Variants in DOT1L observed in about 807,000 individuals in gnomAD.
The protein encoded by DOT1L is histone-lysine N-methyltransferase, H3 lysine-79 specific.
DOT1L carries 33 observed loss-of-function variants against 153.3 expected under a neutral mutation model. The observed-to-expected ratio is 0.22, with a 90% confidence interval of 0.16 to 0.29. DOT1L has a LOEUF of 0.29. DOT1L is among the 10% of genes least tolerant of loss of function. DOT1L has a pLI of 1.00. For missense variants in DOT1L, 1,847 were observed against 2,119.9 expected (o/e 0.87, Z 2.53); for synonymous variants, 1,135 against 965.1 (o/e 1.18, Z -3.26).
At chr19:2,226,085 G>T (rs969766766) in intron 26 of DOT1L, 98 bp from the exon 27 acceptor site, 2 of 1,338,938 alleles carry the variant, frequency 1.5e-6, no homozygotes, top group African/African-American at 2.9e-5. Flanking sequence ...AGCCCTGCCT[G>T]CAGAGTTGCC....
intron 6 of DOT1L, among the ~76,000 whole-genome samples, chr19:2,194,002 G>C (rs116656742): frequency 0.023 from 3,525 of 152,252 alleles, 135 homozygotes; most frequent in African/African-American, 0.08. Flanking sequence ...CTGTCCAAGC[G>C]CTGCAGGGGT....
Position 2,190,872 on chromosome 19 carries a change from G to T in DOT1L, c.265-140G>T, listed in dbSNP as rs777928562. Reference sequence around the variant, plus strand: ...GGCTGGGTTGGAAACTGACCTGGGAGCCCGGCAGCCACCCTGCAGGGGGAC... The same window carrying T: ...GGCTGGGTTGGAAACTGACCTGGGATCCCGGCAGCCACCCTGCAGGGGGAC... On this transcript the variant is annotated intron_variant, in intron 4 of 27. Transcript: ENST00000398665. This position sits in a 1 kb window ranked among gnomAD's most constrained non-coding sequence, Gnocchi z 4.8. The T allele has an allele frequency of 2.6e-6, 2 of 755,360 alleles. No individual in the cohort carries two copies. The highest frequency in any genetic ancestry group is 4.3e-6 in the Non-Finnish European group (2 of 466,678). The allele number at this position is 755,360 out of a possible 1,614,324, so 46.8% of individuals were successfully genotyped here.
intron 7 of DOT1L, among the ~76,000 whole-genome samples, chr19:2,196,130 C>T (rs995704199): frequency 2.5e-4 from 38 of 152,374 alleles, no homozygotes; most frequent in Non-Finnish European, 5.0e-4. Flanking sequence ...GCCTAGCACG[C>T]GCCCCTGTCC....
intron 2 of DOT1L, among the ~76,000 whole-genome samples, chr19:2,182,420 G>C (rs920628175): frequency 6.6e-6 from 1 of 152,084 alleles, no homozygotes; most frequent in African/African-American, 2.4e-5. Flanking sequence ...GCACACCTGT[G>C]GTCCCAGCTA....
chr19:2,214,025 A>G (rs1293118038), intron 18 of DOT1L, 39 bp downstream of exon 18: 1 of 1,599,040 alleles, frequency 6.3e-7, no homozygotes, highest in African/African-American at 1.3e-5. Flanking sequence ...GTGGAACCAG[A>G]GGGGCCCTGC....
chr19:2,201,860 A>G (rs1174009462), intron 8 of DOT1L, among the ~76,000 whole-genome samples: 1 of 152,180 alleles, frequency 6.6e-6, no homozygotes, highest in Non-Finnish European at 1.5e-5. Context: ...GGCTCTGGGC[A>G]CAGCGTGCAG....
chr19:2,227,199 T>C (rs1204459590), intron 27 of DOT1L, 72 bp downstream of exon 27: 2 of 1,551,260 alleles, frequency 1.3e-6, no homozygotes, highest in African/African-American at 2.7e-5. Context: ...GCAGGTTCCC[T>C]TCCGCACTCT....
At chr19:2,228,331 G>T in intron 27 of DOT1L, 1 of 1,331,520 alleles carries the variant, frequency 7.5e-7, no homozygotes. Context: ...CACCTTTCGG[G>T]GGTTAAGCCG....
At chr19:2,209,293 CTT>C (rs986270074) in intron 12 of DOT1L, among the ~76,000 whole-genome samples, 16 of 152,174 alleles carry the variant, frequency 1.1e-4, no homozygotes, top group South Asian at 2.1e-4. Flanking sequence ...CTCTCTGTCT[CTT>C]TGCCTGTCTT....
At chr19:2,187,765 AC>A (rs1387389855) in intron 3 of DOT1L, among the ~76,000 whole-genome samples, 3 of 152,122 alleles carry the variant, frequency 2.0e-5, no homozygotes, top group Admixed American at 1.3e-4. Context: ...TACTAAAAAT[AC>A]AAAAAATTAG....
At chr19:2,228,611 T>C in intron 27 of DOT1L, 7 of 985,312 alleles carry the variant, frequency 7.1e-6, no homozygotes, top group Non-Finnish European at 8.4e-6. Flanking sequence ...GCTGGGTTCC[T>C]GCGGTGACGC....
chr19:2,216,277 G>A lies in DOT1L; in HGVS notation c.1924-4G>A, dbSNP rs761819063. The A allele has an allele frequency of 2.6e-6, 4 of 1,561,866 alleles. No homozygotes were observed. The highest frequency in any genetic ancestry group is 8.7e-7 in the Non-Finnish European group (1 of 1,148,464). ...CGGGCCTGACACCATCTCTCCTCCTGCAGATCAGCATTGTGGAGCTAGAGA... is the reference window on the plus strand; with the variant it reads ...CGGGCCTGACACCATCTCTCCTCCTACAGATCAGCATTGTGGAGCTAGAGA... On this transcript the variant is annotated splice_region_variant and splice_polypyrimidine_tract_variant and intron_variant, in intron 19 of 27. Transcript: ENST00000398665.
intron 19 of DOT1L, 188 bp from the exon 20 acceptor site, chr19:2,216,093 C>A: frequency 1.4e-6 from 1 of 727,156 alleles, no homozygotes; most frequent in Non-Finnish European, 2.2e-6. Flanking sequence ...CCTCGGCCCT[C>A]CACATGACTT....
intron 1 of DOT1L, among the ~76,000 whole-genome samples, chr19:2,167,734 CTTTTTT>C (rs66826356): frequency 4.5e-5 from 6 of 134,704 alleles, no homozygotes; most frequent in Non-Finnish European, 7.9e-5. Context: ...CTTTTCTTTT[CTTTTTT>C]TTTTTTTTTT....
In DOT1L at chr19:2,229,844, C is replaced by T. The variant is rs774116282; in HGVS notation, c.*52C>T. The T allele has an allele frequency of 2.6e-5, 42 of 1,612,110 alleles. No homozygotes were observed. The highest frequency in any genetic ancestry group is 2.2e-4 in the Admixed American group (13 of 59,998). On this transcript the variant is annotated 3_prime_UTR_variant, in exon 28 of 28. Coordinates refer to ENST00000398665, the MANE Select transcript of DOT1L (RefSeq NM_032482.3). ...TGCAAGGACGGTGTGGACCAACTCG[C>T]GCCCGCGGCATGGTGCCCGCCGGCC...
intron 15 of DOT1L, 94 bp downstream of exon 15, chr19:2,211,306 G>A (rs2023706465): frequency 2.6e-6 from 3 of 1,135,296 alleles, no homozygotes; most frequent in South Asian, 1.5e-5. Flanking sequence ...AGCAGCCCCC[G>A]TGACCTCCAT....
At chr19:2,170,121 G>T (rs1407628395) in intron 1 of DOT1L, among the ~76,000 whole-genome samples, 1 of 152,206 alleles carries the variant, frequency 6.6e-6, no homozygotes, top group African/African-American at 2.4e-5. Flanking sequence ...TCGACAGAGT[G>T]AGACTCTGTC....
Position 2,226,281 on chromosome 19 carries a change from G to A in DOT1L, c.3760G>A (p.Ala1254Thr), listed in dbSNP as rs2144929769. The A allele has an allele frequency of 1.3e-6, 2 of 1,597,692 alleles. No individual in the cohort carries two copies. Among genetic ancestry groups the A allele is most frequent in the Admixed American group, 3.4e-5 (2 of 58,712 alleles). Residue 1254 changes from alanine (A) to threonine (T), a missense_variant, in exon 27 of 28, where the codon GCC becomes ACC. Ala to Thr is a moderately conservative substitution (Grantham distance 58). Around this residue, in one of 8 missense-constraint regions of DOT1L, gnomAD observed 934 missense variants for 825.3 expected, o/e 1.13. Coordinates refer to ENST00000398665, the MANE Select transcript of DOT1L (RefSeq NM_032482.3). ...TFSPISDIGL[A>T]KSADSPLQAS... ...CTCGCCCATCTCCGACATCGGCCTG[G>A]CCAAGTCGGCGGACAGCCCGCTGCA...
chr19:2,229,869 C>T lies in DOT1L; in HGVS notation c.*77C>T. 4 of 1,610,514 alleles carry T rather than the reference C, an allele frequency of 2.5e-6. No homozygotes were observed. Among genetic ancestry groups the T allele is most frequent in the Non-Finnish European group, 2.5e-6 (3 of 1,179,482 alleles). On this transcript the variant is annotated 3_prime_UTR_variant, in exon 28 of 28. Coordinates refer to ENST00000398665, the MANE Select transcript of DOT1L (RefSeq NM_032482.3). ...CGCCCGCGGCATGGTGCCCGCCGGC[C>T]TGCCGGGCTCCCACCCCTGGACGGC...
Sources: gnomAD v4.1 joint callset for allele counts (sites outside exome capture counted in the v4.1 genomes callset) on GRCh38, gnomAD v4.1.1 for gene constraint, gnomAD v4.1.1 regional missense constraint, Gnocchi (gnomAD v3.1) non-coding constraint, MANE v1.5 for transcripts, NCBI Gene and HGNC (gene_info 2026-07-23, HGNC 2026-07-21) for gene names.